Variants in PDLIM5 observed in about 807,000 individuals in gnomAD.
PDLIM5 encodes PDZ and LIM domain 5, also known as PDZ and LIM domain protein 5.
A neutral mutation model predicts 64.2 loss-of-function variants in PDLIM5; 34 were observed. The ratio of observed to expected loss-of-function variants is 0.53; its 90% CI spans 0.40 to 0.71. PDLIM5 has a LOEUF of 0.71. Ranked by LOEUF, PDLIM5 falls within the 30% of genes least tolerant of loss-of-function variation. The probability of loss-of-function intolerance (pLI) is 0.00; values close to 1 mark genes in which losing one functional copy is unlikely to be tolerated. For synonymous variants in PDLIM5, 253 were observed against 269.1 expected (o/e 0.94, Z 0.59); for missense variants, 683 against 733.6 (o/e 0.93, Z 0.80).
At chr4:94,637,576 G>T (rs1301403243) in intron 8 of PDLIM5, among the ~76,000 whole-genome samples, 1 of 152,090 alleles carries the variant, frequency 6.6e-6, no homozygotes, top group Non-Finnish European at 1.5e-5. Context: ...AAGGAATGGT[G>T]CTTTCAAATA....
intron 2 of PDLIM5, among the ~76,000 whole-genome samples, chr4:94,487,484 T>A (rs1354172778): frequency 4.6e-5 from 7 of 152,190 alleles, no homozygotes; most frequent in Non-Finnish European, 1.0e-4. Flanking sequence ...AATTTACAAT[T>A]AGGTTTCTGT....
rs189264909 is a variant in PDLIM5 at position 94,559,208 on chromosome 4, A to G, written c.249-14143A>G. Reference sequence around the variant, plus strand: ...TCGGAAACTAGTTTCTTAGTATCCAATTTTATTGAACATAGGCTACAGCAA... The same window carrying G: ...TCGGAAACTAGTTTCTTAGTATCCAGTTTTATTGAACATAGGCTACAGCAA... On this transcript the variant is annotated intron_variant, in intron 3 of 12. Transcript: ENST00000317968. 2.2e-3 allele frequency among the ~76,000 whole-genome samples: 331 copies of G among 152,318 alleles called. 1 individual carries two copies. The highest frequency in any genetic ancestry group is 7.2e-3 in the African/African-American group (298 of 41,582).
rs1742814441 is a variant in PDLIM5 at position 94,662,507 on chromosome 4, C to T, written c.1671C>T (p.Tyr557=). The change falls in exon 12 of 13, where the codon TAC becomes TAT. Residue 557 remains tyrosine (Y), a synonymous_variant. Transcript: ENST00000317968. ...AGDMFLEALG[Y]TWHDTCFVCS... The stretch of plus-strand genomic sequence containing the variant: ...ACATGTTCCTGGAAGCTCTGGGCTA[C>T]ACCTGGCATGACACTTGCTTTGTAT... 6 of 1,600,088 alleles carry T rather than the reference C, an allele frequency of 3.7e-6. No homozygotes were observed. Among genetic ancestry groups the T allele is most frequent in the African/African-American group, 1.3e-5 (1 of 74,672 alleles).
chr4:94,587,464 ACTTT>A (rs1167907898), intron 7 of PDLIM5: 1 of 830,592 alleles, frequency 1.2e-6, no homozygotes, highest in Non-Finnish European at 1.4e-6. Flanking sequence ...TTTGGAAAAT[ACTTT>A]CTTTATATTA....
At chr4:94,657,595 A>G (rs1429125934) in intron 11 of PDLIM5, 48 bp downstream of exon 11, 1 of 1,432,108 alleles carries the variant, frequency 7.0e-7, no homozygotes, top group East Asian at 2.3e-5. Context: ...TAAAGGTAAA[A>G]CATTAACCCT....
intron 7 of PDLIM5, among the ~76,000 whole-genome samples, chr4:94,593,766 C>G (rs897219953): frequency 3.3e-5 from 5 of 152,152 alleles, no homozygotes; most frequent in Admixed American, 6.5e-5. Context: ...TACTAATCCT[C>G]ATTTTGACAG....
chr4:94,521,411 A>G (rs572210323), intron 2 of PDLIM5, among the ~76,000 whole-genome samples: 1 of 152,196 alleles, frequency 6.6e-6, no homozygotes, highest in African/African-American at 2.4e-5. Flanking sequence ...GAATGGAAGG[A>G]TGGACAGATC....
At chr4:94,551,634 A>C (rs899373170) in intron 3 of PDLIM5, among the ~76,000 whole-genome samples, 2 of 152,114 alleles carry the variant, frequency 1.3e-5, no homozygotes, top group African/African-American at 4.8e-5. Flanking sequence ...AGAAGGAGTC[A>C]CTTTTTATTC....
intron 3 of PDLIM5, among the ~76,000 whole-genome samples, chr4:94,566,410 T>A (rs1250049314): frequency 2.0e-5 from 3 of 152,202 alleles, no homozygotes; most frequent in Admixed American, 1.3e-4. Context: ...TTGATCCTGT[T>A]AGTAATTTGA....
At chr4:94,559,918 T>C (rs1182688039) in intron 3 of PDLIM5, among the ~76,000 whole-genome samples, 3 of 152,210 alleles carry the variant, frequency 2.0e-5, no homozygotes, top group Non-Finnish European at 4.4e-5. Flanking sequence ...TTCATAGAAC[T>C]TAATAGTTGG....
Position 94,665,596 on chromosome 4 carries a change from C to A in PDLIM5, c.*1529C>A. 1.0e-6 allele frequency: 1 copy of A among 981,094 alleles called. No individual in the cohort carries two copies. Among genetic ancestry groups the A allele is most frequent in the Non-Finnish European group, 1.2e-6 (1 of 826,398 alleles). 60.8% of individuals were successfully genotyped at this position (981,094 alleles called of 1,614,324 possible). On this transcript the variant is annotated 3_prime_UTR_variant, in exon 13 of 13. Coordinates refer to ENST00000317968, the MANE Select transcript of PDLIM5 (RefSeq NM_006457.5). ...CAATTGTTTTTCAATCCCCTTTTCT[C>A]AAATAATAAATTAGTTAAATCAGTT...
intron 9 of PDLIM5, among the ~76,000 whole-genome samples, chr4:94,645,399 C>A (rs60972862): frequency 6.6e-6 from 1 of 152,152 alleles, no homozygotes; most frequent in African/African-American, 2.4e-5. Context: ...CTTTTCCATA[C>A]ACTGACTTCT....
At chr4:94,649,852 TA>T (rs1741705069) in intron 9 of PDLIM5, among the ~76,000 whole-genome samples, 1 of 152,274 alleles carries the variant, frequency 6.6e-6, no homozygotes, top group South Asian at 2.1e-4. Flanking sequence ...CAATTAAGGT[TA>T]CCTTCTTTAG....
chr4:94,486,857 G>A (rs536009506), intron 2 of PDLIM5, among the ~76,000 whole-genome samples: 115 of 152,122 alleles, frequency 7.6e-4, no homozygotes, highest in Non-Finnish European at 1.4e-3. Flanking sequence ...TAAAAAATTA[G>A]CCAGGTGTGG....
chr4:94,558,357 T>C (rs1470587735), intron 3 of PDLIM5, among the ~76,000 whole-genome samples: 1 of 152,182 alleles, frequency 6.6e-6, no homozygotes, highest in Non-Finnish European at 1.5e-5. Flanking sequence ...CTCTTTGTAA[T>C]GGTGAAGTGG....
At chr4:94,620,493 C>T (rs976244416) in intron 8 of PDLIM5, among the ~76,000 whole-genome samples, 7 of 151,842 alleles carry the variant, frequency 4.6e-5, no homozygotes, top group Non-Finnish European at 8.8e-5. Flanking sequence ...GCTGTGATTG[C>T]ACCACTACAC....
chr4:94,474,250 G>GTTGTTT (rs1194819328), intron 2 of PDLIM5, among the ~76,000 whole-genome samples: 4 of 151,992 alleles, frequency 2.6e-5, no homozygotes, highest in Non-Finnish European at 5.9e-5. Context: ...CTTTTTTATT[G>GTTGTTT]TTGTTTTTGT....
chr4:94,548,265 C>T (rs1435652876), intron 3 of PDLIM5, among the ~76,000 whole-genome samples: 4 of 152,116 alleles, frequency 2.6e-5, no homozygotes, highest in Non-Finnish European at 5.9e-5. Context: ...TCAGAAGAGC[C>T]CATACCTACC....
intron 3 of PDLIM5, among the ~76,000 whole-genome samples, chr4:94,559,874 G>T (rs1375046774): frequency 6.6e-6 from 1 of 152,142 alleles, no homozygotes; most frequent in Admixed American, 6.6e-5. Flanking sequence ...CATGTTTTTG[G>T]CATTGGCTAT....
Sources: allele counts gnomAD v4.1 joint callset (sites outside exome capture counted in the v4.1 genomes callset), GRCh38; gene constraint gnomAD v4.1.1; transcripts MANE v1.5; gene names NCBI Gene and HGNC (gene_info 2026-07-23, HGNC 2026-07-21).